SLC22A23: variants seen among roughly 807,000 people sequenced by gnomAD.
The protein encoded by SLC22A23 is solute carrier family 22 member 23, also known as ion transporter protein.
Under a neutral mutation model 61.0 loss-of-function variants are expected in SLC22A23, and 26 were observed. That is an observed-to-expected ratio of 0.43 (90% CI 0.31 to 0.59). The LOEUF (loss-of-function observed/expected upper bound fraction) is 0.59. Among genes scored for constraint, SLC22A23 ranks in the 20% least tolerant of loss-of-function variants. The pLI is 0.11. For synonymous variants in SLC22A23, 430 were observed against 413.9 expected (o/e 1.04, Z -0.47); for missense variants, 796 against 934.7 (o/e 0.85, Z 1.94).
rs1763172494 is a variant in SLC22A23 at position 3,324,637 on chromosome 6, A to G, written c.914-635T>C. Among the ~76,000 whole-genome samples the G allele has an allele frequency of 6.6e-6, 1 of 152,218 alleles. No individual in the cohort carries two copies. The highest frequency in any genetic ancestry group is 1.5e-5 in the Non-Finnish European group (1 of 68,038). On this transcript the variant is annotated intron_variant, in intron 3 of 9. Transcript: ENST00000406686. This position sits in a 1 kb window ranked among gnomAD's most constrained non-coding sequence, Gnocchi z 4.3. Reference sequence around the variant, plus strand: ...CAACAATAAGGCTGACTCAGATCATATAGCAATGACCCTACCAGAAAGCCC... The same window carrying G: ...CAACAATAAGGCTGACTCAGATCATGTAGCAATGACCCTACCAGAAAGCCC...
chr6:3,438,935 G>A (rs1771402425), intron 1 of SLC22A23, among the ~76,000 whole-genome samples: 2 of 152,208 alleles, frequency 1.3e-5, no homozygotes, highest in South Asian at 4.1e-4. Context: ...CATGTGTCCC[G>A]TACTGTGGGT....
intron 1 of SLC22A23, among the ~76,000 whole-genome samples, chr6:3,436,166 T>G (rs560782802): frequency 0.02 from 3,101 of 152,210 alleles, 111 homozygotes; most frequent in African/African-American, 0.069. Context: ...TACTTTTTTT[T>G]TTTGAGACGG....
chr6:3,411,758 C>T (rs1424753200), intron 2 of SLC22A23, among the ~76,000 whole-genome samples: 1 of 152,304 alleles, frequency 6.6e-6, no homozygotes, highest in Admixed American at 6.5e-5. Flanking sequence ...CCATCAGTCA[C>T]TTTGGTTTAG....
intron 1 of SLC22A23, among the ~76,000 whole-genome samples, chr6:3,433,586 G>T (rs565195710): frequency 7.9e-5 from 12 of 152,310 alleles, no homozygotes; most frequent in African/African-American, 2.6e-4. Context: ...GGAGTGGAAA[G>T]GATTGACAAT....
At position 3,327,068 on chromosome 6, in the gene SLC22A23, G is replaced by A. The variant is rs550573844; in HGVS notation, c.914-3066C>T. ...GAGGGACGGGGACTGCAGGTGGATC[G>A]TTTCTGCTGGGAGGGACGGGGACTG... On this transcript the variant is annotated intron_variant, in intron 3 of 9. Transcript: ENST00000406686. The surrounding 1 kb of genome is among the most constrained non-coding windows in gnomAD (Gnocchi z 4.1). Among the ~76,000 whole-genome samples the A allele has an allele frequency of 5.3e-5, 8 of 149,904 alleles. No individual in the cohort carries two copies. The highest frequency in any genetic ancestry group is 2.1e-4 in the South Asian group (1 of 4,766).
chr6:3,374,525 T>C (rs756519914), intron 3 of SLC22A23, among the ~76,000 whole-genome samples: 32 of 152,080 alleles, frequency 2.1e-4, no homozygotes, highest in African/African-American at 7.0e-4. Context: ...CAAAGGAAGG[T>C]TGGCTGGAAT....
intron 3 of SLC22A23, among the ~76,000 whole-genome samples, chr6:3,381,714 G>A (rs544706420): frequency 1.1e-4 from 17 of 152,288 alleles, no homozygotes; most frequent in African/African-American, 3.9e-4. Context: ...ACAGGCTTAT[G>A]GTGAGAATGG....
chr6:3,341,038 G>A (rs1269736558), intron 3 of SLC22A23, among the ~76,000 whole-genome samples: 1 of 152,224 alleles, frequency 6.6e-6, no homozygotes, highest in Non-Finnish European at 1.5e-5. Context: ...GGCCTGCTGT[G>A]AAGTCAGGGG....
chr6:3,422,210 G>A (rs11966244), intron 1 of SLC22A23, among the ~76,000 whole-genome samples: 1 of 152,076 alleles, frequency 6.6e-6, no homozygotes, highest in Admixed American at 6.5e-5. Flanking sequence ...AGAAATGTAG[G>A]GTCAGCATTT....
At chr6:3,407,770 T>G (rs535580639) in intron 3 of SLC22A23, among the ~76,000 whole-genome samples, 2 of 152,206 alleles carry the variant, frequency 1.3e-5, no homozygotes, top group Non-Finnish European at 2.9e-5. Context: ...ACATGACCAT[T>G]TATGCCCTGC....
intron 9 of SLC22A23, among the ~76,000 whole-genome samples, chr6:3,280,512 T>TTTTTTTTTTTTTTTTTC (rs781526188): frequency 1.0e-5 from 1 of 98,330 alleles, no homozygotes; most frequent in African/African-American, 3.6e-5. Context: ...TTTTTTTTTT[T>TTTTTTTTTTTTTTTTTC]TGAGATGGAG....
intron 4 of SLC22A23, among the ~76,000 whole-genome samples, chr6:3,300,475 G>A (rs575987720): frequency 2.6e-5 from 4 of 152,294 alleles, no homozygotes; most frequent in African/African-American, 9.6e-5. Context: ...GAAGAGAGGT[G>A]CCTTGCCCCT....
chr6:3,445,085 G>T, intron 1 of SLC22A23: 1 of 569,982 alleles, frequency 1.8e-6, no homozygotes, highest in Non-Finnish European at 2.2e-6. Flanking sequence ...TCAAGGTCAG[G>T]CAGCACTGAC....
chr6:3,298,840 C>CG (rs1221955594), intron 4 of SLC22A23, among the ~76,000 whole-genome samples: 1 of 151,488 alleles, frequency 6.6e-6, no homozygotes, highest in Non-Finnish European at 1.5e-5. Flanking sequence ...GGCGCAGTGG[C>CG]GGGCGCCTGT....
At chr6:3,274,415 C>T (rs1053324580) in intron 9 of SLC22A23, among the ~76,000 whole-genome samples, 1 of 152,170 alleles carries the variant, frequency 6.6e-6, no homozygotes, top group East Asian at 1.9e-4. Context: ...TTGTGTGCCT[C>T]GCTCCACAGC....
chr6:3,361,182 C>A (rs1487090446), intron 3 of SLC22A23, among the ~76,000 whole-genome samples: 1 of 151,840 alleles, frequency 6.6e-6, no homozygotes, highest in African/African-American at 2.4e-5. Flanking sequence ...CAGAACACAC[C>A]CCCTCAACTG....
rs920147114 is a variant in SLC22A23, at chr6:3,386,335, C to T, written c.913+23853G>A. Among the ~76,000 whole-genome samples the T allele has an allele frequency of 6.6e-6, 1 of 152,132 alleles. No homozygotes were observed. The highest frequency in any genetic ancestry group is 1.5e-5 in the Non-Finnish European group (1 of 68,024). On this transcript the variant is annotated intron_variant, in intron 3 of 9. Transcript: ENST00000406686. This position sits in a 1 kb window ranked among gnomAD's most constrained non-coding sequence, Gnocchi z 4.4. ...TGGCCCAAGCTGGAGGGCAGACAAG[C>T]CTCAGGCTGGAGAGCGAAGGAGAAG...
intron 3 of SLC22A23, among the ~76,000 whole-genome samples, chr6:3,391,974 C>CT (rs1286209116): frequency 8.9e-4 from 135 of 152,222 alleles, no homozygotes; most frequent in African/African-American, 3.1e-3. Flanking sequence ...GATCAAAGGG[C>CT]CAAACCATGC....
intron 6 of SLC22A23, 53 bp downstream of exon 6, chr6:3,289,711 C>T (rs1760393914): frequency 6.7e-7 from 1 of 1,502,162 alleles, no homozygotes; most frequent in Non-Finnish European, 9.2e-7. Flanking sequence ...CCACTCCCCA[C>T]CTTCTTCCCT....
Sources: gnomAD v4.1 joint callset for allele counts (sites outside exome capture counted in the v4.1 genomes callset) on GRCh38, gnomAD v4.1.1 for gene constraint, Gnocchi (gnomAD v3.1) non-coding constraint, MANE v1.5 for transcripts, NCBI Gene and HGNC (gene_info 2026-07-23, HGNC 2026-07-21) for gene names.